DPRX: variants seen among roughly 807,000 people sequenced by gnomAD.
DPRX encodes divergent-paired related homeobox.
In DPRX, 11 loss-of-function variants were observed where a neutral mutation model predicts 8.4. The ratio of observed to expected loss-of-function variants is 1.31; its 90% CI spans 0.82 to 2.17. The LOEUF (loss-of-function observed/expected upper bound fraction) is 2.17. Among genes scored for constraint, DPRX ranks in the 30% most tolerant of loss-of-function variants. The pLI is 0.00. For missense variants in DPRX, 211 were observed against 236.7 expected (o/e 0.89, Z 0.71); for synonymous variants, 72 against 87.0 (o/e 0.83, Z 0.96).
the DPRX span, among the ~76,000 whole-genome samples, chr19:53,615,991 C>G: frequency 6.6e-6 from 1 of 151,610 alleles, no homozygotes; most frequent in Admixed American, 6.6e-5. Flanking sequence ...GGTGGCTCAC[C>G]CCTGTAATCC....
At chr19:53,623,537 C>G in the DPRX span, among the ~76,000 whole-genome samples, 10 of 151,944 alleles carry the variant, frequency 6.6e-5, no homozygotes, top group African/African-American at 2.4e-4. Context: ...ACTTGGGAGG[C>G]TGAGGAAGGA....
chr19:53,625,793 G>A, the DPRX span, among the ~76,000 whole-genome samples: 629 of 151,946 alleles, frequency 4.1e-3, 2 homozygotes, highest in African/African-American at 0.013. Flanking sequence ...GTGTGTCACC[G>A]CACCCGGCTA....
the DPRX span, among the ~76,000 whole-genome samples, chr19:53,623,149 C>A: frequency 2.0e-5 from 3 of 150,714 alleles, no homozygotes; most frequent in African/African-American, 7.3e-5. Flanking sequence ...ACCAAAAATA[C>A]AAAAAAAATT....
intron 2 of DPRX, 130 bp from the exon 3 acceptor site, chr19:53,636,465 AG>A (rs1359203153): frequency 1.3e-6 from 1 of 752,204 alleles, no homozygotes; most frequent in Non-Finnish European, 1.8e-6. Flanking sequence ...AAAAACTTAA[AG>A]GTTAAAAAAA....
At chr19:53,632,112 A>C (rs1371231904) in exon 1 of DPRX, 1 of 1,614,028 alleles carries the variant, frequency 6.2e-7, no homozygotes, top group Admixed American at 1.7e-5. Flanking sequence ...AGAAGATGCC[A>C]GGCTCAGAGG....
At chr19:53,616,655 G>A in the DPRX span, 19 of 627,970 alleles carry the variant, frequency 3.0e-5, no homozygotes, top group East Asian at 5.3e-4. Context: ...TTGGGAAACT[G>A]AGGCGGGAGA....
At position 53,634,816 on chromosome 19, in the gene DPRX, G is replaced by A. The variant is rs139523153; in HGVS notation, c.183+131G>A. 3.0e-5 allele frequency: 39 copies of A among 1,286,002 alleles called. No individual in the cohort carries two copies. In the East Asian group the frequency reaches 6.5e-4, roughly 21 times the overall value. The allele number at this position is 1,286,002 out of a possible 1,614,324, so 79.7% of individuals were successfully genotyped here. On this transcript the variant is annotated intron_variant, in intron 2 of 2. Coordinates refer to ENST00000376650, the Ensembl canonical transcript of DPRX. The stretch of plus-strand genomic sequence containing the variant: ...CCCAAACCCACACTCTCCTACTCAC[G>A]TCCCCGTAAACCTTTCTTCAACCCC...
chr19:53,635,784 C>T (rs576801456), intron 2 of DPRX, among the ~76,000 whole-genome samples: 2 of 152,226 alleles, frequency 1.3e-5, no homozygotes, highest in East Asian at 1.9e-4. Flanking sequence ...CATTTTAAAA[C>T]GTAAAGCCTA....
upstream of DPRX, among the ~76,000 whole-genome samples, chr19:53,631,729 C>T (rs574466661): frequency 9.2e-5 from 14 of 152,144 alleles, no homozygotes; most frequent in South Asian, 2.9e-3. Flanking sequence ...CATTGCGCTC[C>T]AGCCTGGGTG....
the DPRX span, chr19:53,608,533 G>A: frequency 6.6e-6 from 1 of 152,650 alleles, no homozygotes; most frequent in East Asian, 1.9e-4. Context: ...AAGGGAATGG[G>A]GAACGACCGC....
At chr19:53,634,914 C>T (rs900370043) in intron 2 of DPRX, among the ~76,000 whole-genome samples, 8 of 152,130 alleles carry the variant, frequency 5.3e-5, no homozygotes, top group Admixed American at 1.3e-4. Flanking sequence ...TGGGCCATAC[C>T]GTCTCTCTAG....
At chr19:53,614,376 T>C in the DPRX span, among the ~76,000 whole-genome samples, 2 of 152,102 alleles carry the variant, frequency 1.3e-5, no homozygotes, top group African/African-American at 4.8e-5. Context: ...CTCTTACCAC[T>C]GCACTCCAGC....
chr19:53,624,304 G>C, the DPRX span, among the ~76,000 whole-genome samples: 2 of 151,694 alleles, frequency 1.3e-5, no homozygotes, highest in Non-Finnish European at 2.9e-5. Flanking sequence ...GCCCAGGCTG[G>C]TCTCAAACTC....
At chr19:53,632,709 G>A (rs916815110) in intron 1 of DPRX, among the ~76,000 whole-genome samples, 1 of 152,076 alleles carries the variant, frequency 6.6e-6, no homozygotes, top group Non-Finnish European at 1.5e-5. Context: ...CTCCCAAAGT[G>A]CTGGGATTAC....
chr19:53,610,255 G>T, the DPRX span, among the ~76,000 whole-genome samples: 272 of 151,800 alleles, frequency 1.8e-3, 1 homozygote, highest in Middle Eastern at 3.4e-3. Flanking sequence ...GGGTGGCAGA[G>T]GTTGCAGTGA....
At chr19:53,616,909 C>CTTG in the DPRX span, 1 of 1,447,948 alleles carries the variant, frequency 6.9e-7, no homozygotes, top group South Asian at 1.1e-5. Flanking sequence ...TATGTATGCT[C>CTTG]TGGTGGTGGT....
chr19:53,621,653 T>C, the DPRX span, among the ~76,000 whole-genome samples: 1 of 151,912 alleles, frequency 6.6e-6, no homozygotes, highest in African/African-American at 2.4e-5. Context: ...GGCATGGTGG[T>C]CAGCACCTGT....
the DPRX span, chr19:53,601,361 C>T: frequency 2.2e-6 from 1 of 456,576 alleles, no homozygotes; most frequent in Non-Finnish European, 4.4e-6. Context: ...GGAGAACAGG[C>T]AACAGGGGGA....
chr19:53,616,772 A>G, the DPRX span: 1 of 1,517,994 alleles, frequency 6.6e-7, no homozygotes, highest in Non-Finnish European at 9.0e-7. Flanking sequence ...AAGAAAAAAT[A>G]GAGGCCGAGA....
Sources: gnomAD v4.1 joint callset for allele counts (sites outside exome capture counted in the v4.1 genomes callset) on GRCh38, gnomAD v4.1.1 for gene constraint, MANE v1.5 for transcripts, NCBI Gene and HGNC (gene_info 2026-07-23, HGNC 2026-07-21) for gene names.